The following MAOA variants were observed in gnomAD, a reference collection of about 807,000 sequenced individuals.
MAOA encodes monoamine oxidase A, also known as amine oxidase [flavin-containing] A.
MAOA carries 6 observed loss-of-function variants against 42.0 expected under a neutral mutation model. The ratio of observed to expected loss-of-function variants is 0.14; its 90% CI spans 0.08 to 0.28. MAOA has a LOEUF of 0.28. MAOA is among the 10% of genes least tolerant of loss of function. MAOA has a pLI of 1.00. For missense variants in MAOA, 262 were observed against 422.3 expected (o/e 0.62, Z 3.33); for synonymous variants, 140 against 154.0 (o/e 0.91, Z 0.67).
intron 6 of MAOA, 70 bp from the exon 7 acceptor site, chrX:43,731,171 C>A: frequency 9.4e-7 from 1 of 1,061,052 alleles, no homozygotes; most frequent in Non-Finnish European, 1.3e-6. Context: ...GTTTTCTAAT[C>A]AGTAGCCAGT....
chrX:43,678,362 G>A (rs2033417387), intron 1 of MAOA, among the ~76,000 whole-genome samples: 1 of 111,749 alleles, frequency 8.9e-6, no homozygotes. Context: ...ATATTACTTT[G>A]GAACAAGATG....
intron 1 of MAOA, among the ~76,000 whole-genome samples, chrX:43,670,225 G>A (rs992755725): frequency 1.8e-5 from 2 of 112,025 alleles, no homozygotes; most frequent in African/African-American, 6.5e-5. Context: ...AATAAAATGT[G>A]ATTTCAAATT....
intron 1 of MAOA, among the ~76,000 whole-genome samples, chrX:43,675,750 A>T (rs1225630601): frequency 8.9e-6 from 1 of 112,123 alleles, no homozygotes; most frequent in Non-Finnish European, 1.9e-5. Flanking sequence ...TGGCTGCAGA[A>T]CAGCGGATTT....
intron 2 of MAOA, among the ~76,000 whole-genome samples, chrX:43,684,294 G>A (rs1345105931): frequency 1.8e-5 from 2 of 111,019 alleles, no homozygotes; most frequent in Non-Finnish European, 3.8e-5. Flanking sequence ...TACTATTAAG[G>A]GAATGGTTGC....
chrX:43,726,017 G>A (rs745713495), intron 5 of MAOA, among the ~76,000 whole-genome samples: 110 of 112,064 alleles, frequency 9.8e-4, no homozygotes, highest in African/African-American at 3.4e-3. Flanking sequence ...CTTCTGGCTT[G>A]TAGGGTTTCT....
chrX:43,708,196 C>G (rs188268372), intron 3 of MAOA, among the ~76,000 whole-genome samples: 76 of 111,268 alleles, frequency 6.8e-4, no homozygotes, highest in African/African-American at 2.4e-3. Flanking sequence ...CTTTGGAAAA[C>G]TAGTAAGCTT....
At chrX:43,688,726 C>T (rs930978062) in intron 2 of MAOA, among the ~76,000 whole-genome samples, 8 of 111,881 alleles carry the variant, frequency 7.2e-5, no homozygotes, top group African/African-American at 2.6e-4. Context: ...CTTAACTGTG[C>T]TCCTTCTTTT....
intron 2 of MAOA, among the ~76,000 whole-genome samples, chrX:43,688,989 A>G (rs779330033): frequency 3.6e-5 from 4 of 112,198 alleles, no homozygotes; most frequent in African/African-American, 1.3e-4. Flanking sequence ...TAGTATTTGT[A>G]TATCTCTTTA....
intron 10 of MAOA, among the ~76,000 whole-genome samples, chrX:43,737,239 A>ACATGTT (rs1473030316): frequency 9.0e-6 from 1 of 110,917 alleles, no homozygotes; most frequent in Non-Finnish European, 1.9e-5. Flanking sequence ...TCAAACAACC[A>ACATGTT]TGAGATTGTG....
chrX:43,735,796 G>A (rs2033915866), intron 9 of MAOA, among the ~76,000 whole-genome samples: 1 of 112,798 alleles, frequency 8.9e-6, no homozygotes, highest in Non-Finnish European at 1.9e-5. Flanking sequence ...TAAGAGTAAC[G>A]AGTGCCTGGT....
At chrX:43,734,132 C>CT (rs745875170) in intron 9 of MAOA, among the ~76,000 whole-genome samples, 1,876 of 62,357 alleles carry the variant, frequency 0.03, 18 homozygotes, top group Middle Eastern at 0.051. Context: ...TTTGGGCTTT[C>CT]TTTTTTTTTT....
intron 1 of MAOA, among the ~76,000 whole-genome samples, chrX:43,661,288 T>C (rs1424086584): frequency 8.9e-6 from 1 of 111,852 alleles, no homozygotes; most frequent in Admixed American, 9.5e-5. Flanking sequence ...ACTTCTATCT[T>C]CTGGAAGAAG....
intron 8 of MAOA, 130 bp downstream of exon 8, chrX:43,731,983 G>A (rs2033886180): frequency 1.5e-6 from 1 of 679,289 alleles, no homozygotes; most frequent in Non-Finnish European, 2.2e-6. Context: ...TAGAAATCTT[G>A]GTCTGTCAAT....
intron 3 of MAOA, among the ~76,000 whole-genome samples, 172 bp from the exon 4 acceptor site, chrX:43,711,700 G>T (rs2033700720): frequency 8.9e-6 from 1 of 112,023 alleles, no homozygotes; most frequent in Non-Finnish European, 1.9e-5. Flanking sequence ...TTAAATTGGG[G>T]CCTGTATAGG....
intron 6 of MAOA, among the ~76,000 whole-genome samples, chrX:43,730,536 C>T (rs996935000): frequency 2.1e-4 from 21 of 98,448 alleles, no homozygotes; most frequent in African/African-American, 3.4e-4. Flanking sequence ...CTGTTGCCCA[C>T]GCTGGAGTGC....
intron 3 of MAOA, among the ~76,000 whole-genome samples, chrX:43,704,641 C>A (rs762696441): frequency 1.8e-5 from 2 of 109,759 alleles, no homozygotes; most frequent in South Asian, 7.7e-4. Context: ...TTAGCCAGGG[C>A]ACTTAGGCAA....
intron 1 of MAOA, among the ~76,000 whole-genome samples, chrX:43,668,625 C>T (rs1413983049): frequency 8.9e-6 from 1 of 112,113 alleles, no homozygotes; most frequent in East Asian, 2.8e-4. Flanking sequence ...ATTGACTAAA[C>T]CAGGATTTAC....
At chrX:43,726,019 A>G (rs1343457546) in intron 5 of MAOA, among the ~76,000 whole-genome samples, 2 of 111,919 alleles carry the variant, frequency 1.8e-5, no homozygotes, top group African/African-American at 6.5e-5. Flanking sequence ...TCTGGCTTGT[A>G]GGGTTTCTGC....
At chrX:43,715,962 C>T (rs1333230770) in intron 5 of MAOA, among the ~76,000 whole-genome samples, 1 of 107,188 alleles carries the variant, frequency 9.3e-6, no homozygotes, top group East Asian at 3.0e-4. Flanking sequence ...ATGAGCCACA[C>T]GGTTGGTGGC....
Sources: gnomAD v4.1 joint callset for allele counts (sites outside exome capture counted in the v4.1 genomes callset) on GRCh38, gnomAD v4.1.1 for gene constraint, MANE v1.5 for transcripts, NCBI Gene and HGNC (gene_info 2026-07-23, HGNC 2026-07-21) for gene names.